The following CDH18 variants were observed in gnomAD, a reference collection of about 807,000 sequenced individuals.
CDH18 encodes cadherin-18.
Under a neutral mutation model 67.9 loss-of-function variants are expected in CDH18, and 31 were observed. That is an observed-to-expected ratio of 0.46 (90% CI 0.34 to 0.62). CDH18 has a LOEUF of 0.62. CDH18 is among the 20% of genes least tolerant of loss of function. The pLI is 0.01. For synonymous variants in CDH18, 362 were observed against 347.2 expected (o/e 1.04, Z -0.48); for missense variants, 890 against 975.5 (o/e 0.91, Z 1.17).
chr5:20,279,428 G>A (rs527565894), intron 1 of CDH18, among the ~76,000 whole-genome samples: 106 of 152,040 alleles, frequency 7.0e-4, no homozygotes, highest in Middle Eastern at 3.4e-3. Context: ...GCTGGGCACC[G>A]TGGCTCATGC....
At chr5:20,482,098 A>G (rs1401968660) in intron 1 of CDH18, among the ~76,000 whole-genome samples, 1 of 152,058 alleles carries the variant, frequency 6.6e-6, no homozygotes, top group South Asian at 2.1e-4. Context: ...TAGATGGAAA[A>G]GGAGACATTA....
chr5:19,624,752 G>A lies in CDH18; in HGVS notation c.644-12151C>T, dbSNP rs1014470611. On this transcript the variant is annotated intron_variant, in intron 5 of 12. Transcript: ENST00000382275. ...CCCTAAAGGAAGCTCAGGACCACAC[G>A]TCTCTATGTCTACCAGACAGCAAAC... 2.0e-5 allele frequency among the ~76,000 whole-genome samples: 3 copies of A among 152,124 alleles called. No homozygotes were observed. The East Asian group carries it at 5.8e-4, about 29-fold the overall frequency.
chr5:20,471,941 C>CTCTTCACTT (rs1752118844), intron 1 of CDH18, among the ~76,000 whole-genome samples: 2 of 154 alleles, frequency 0.013, no homozygotes, highest in Non-Finnish European at 0.016. Flanking sequence ...AGGCAATACT[C>CTCTTCACTT]CTGGGTGTCT....
At chr5:19,597,268 G>T (rs990748301) in intron 6 of CDH18, among the ~76,000 whole-genome samples, 1 of 152,158 alleles carries the variant, frequency 6.6e-6, no homozygotes, top group Non-Finnish European at 1.5e-5. Flanking sequence ...TTCTACACTG[G>T]AATCTCATAA....
chr5:19,777,445 A>G (rs939625013), intron 3 of CDH18, among the ~76,000 whole-genome samples: 3 of 152,224 alleles, frequency 2.0e-5, no homozygotes, highest in Non-Finnish European at 4.4e-5. Context: ...CATAGAGCTC[A>G]GATGGATTGT....
chr5:20,247,861 ATAAT>A (rs1743506721), intron 2 of CDH18, among the ~76,000 whole-genome samples: 1 of 152,164 alleles, frequency 6.6e-6, no homozygotes, highest in Non-Finnish European at 1.5e-5. Flanking sequence ...TAGTAGCTAA[ATAAT>A]TAGTAGTAGA....
chr5:19,722,411 T>C (rs1766227283), intron 4 of CDH18, among the ~76,000 whole-genome samples: 1 of 151,578 alleles, frequency 6.6e-6, no homozygotes, highest in Non-Finnish European at 1.5e-5. Flanking sequence ...AGTGCCAACA[T>C]CGCACTGGAT....
chr5:19,844,846 T>C (rs1003881352), intron 2 of CDH18, among the ~76,000 whole-genome samples: 1 of 152,168 alleles, frequency 6.6e-6, no homozygotes, highest in Non-Finnish European at 1.5e-5. Context: ...CTAAATTCCA[T>C]TGTTTCCTAC....
At chr5:19,639,642 T>C (rs1275778445) in intron 5 of CDH18, among the ~76,000 whole-genome samples, 2 of 152,160 alleles carry the variant, frequency 1.3e-5, no homozygotes, top group African/African-American at 4.8e-5. Flanking sequence ...GTGCCACTTC[T>C]TCAGAGAGCA....
At chr5:20,209,387 TG>T (rs1352428926) in intron 2 of CDH18, among the ~76,000 whole-genome samples, 2 of 151,448 alleles carry the variant, frequency 1.3e-5, no homozygotes, top group Non-Finnish European at 2.9e-5. Flanking sequence ...AAAGAAAATA[TG>T]GTTTTATACA....
chr5:19,968,260 T>C (rs186007914), intron 2 of CDH18, among the ~76,000 whole-genome samples: 4,441 of 151,568 alleles, frequency 0.029, 242 homozygotes, highest in East Asian at 0.22. Flanking sequence ...AAAATGGCCA[T>C]ACTGCCCAAG....
At chr5:19,664,316 A>G (rs1185452104) in intron 5 of CDH18, among the ~76,000 whole-genome samples, 1 of 151,928 alleles carries the variant, frequency 6.6e-6, no homozygotes, top group Non-Finnish European at 1.5e-5. Flanking sequence ...ATAAATTTCT[A>G]GCAAAATTTA....
At chr5:19,724,414 T>C (rs1470197907) in intron 4 of CDH18, among the ~76,000 whole-genome samples, 2 of 152,138 alleles carry the variant, frequency 1.3e-5, no homozygotes, top group African/African-American at 4.8e-5. Context: ...GATCCTTATA[T>C]ATTGGAGCTG....
At chr5:20,199,687 G>C (rs73052746) in intron 2 of CDH18, among the ~76,000 whole-genome samples, 12,468 of 152,068 alleles carry the variant, frequency 0.082, 803 homozygotes, top group African/African-American at 0.17. Context: ...AAAATGATGT[G>C]GTTTGGCTGT....
intron 2 of CDH18, among the ~76,000 whole-genome samples, chr5:19,970,666 C>T (rs963333929): frequency 2.6e-5 from 4 of 151,502 alleles, no homozygotes; most frequent in Admixed American, 2.0e-4. Context: ...GCTAAGTTCA[C>T]GAGACTCATG....
intron 5 of CDH18, among the ~76,000 whole-genome samples, chr5:19,668,854 T>C (rs559197329): frequency 1.4e-4 from 22 of 152,122 alleles, no homozygotes; most frequent in Admixed American, 1.1e-3. Context: ...ACAAGTACTT[T>C]ATCCATATAA....
At chr5:19,709,190 C>T (rs183239693) in intron 5 of CDH18, among the ~76,000 whole-genome samples, 220 of 152,086 alleles carry the variant, frequency 1.4e-3, no homozygotes, top group Middle Eastern at 3.4e-3. Flanking sequence ...GCACTTACTT[C>T]GGAAATATGT....
chr5:19,568,303 C>A (rs1418562479), intron 8 of CDH18, among the ~76,000 whole-genome samples: 1 of 152,116 alleles, frequency 6.6e-6, no homozygotes, highest in Non-Finnish European at 1.5e-5. Context: ...GAGGTACAAA[C>A]TTCTGGAGGT....
intron 5 of CDH18, among the ~76,000 whole-genome samples, chr5:19,705,711 T>A (rs1372506805): frequency 6.6e-6 from 1 of 152,158 alleles, no homozygotes; most frequent in Non-Finnish European, 1.5e-5. Context: ...ATCACTACTG[T>A]GATAGGAAAT....
Sources: gnomAD v4.1 joint callset for allele counts (sites outside exome capture counted in the v4.1 genomes callset) on GRCh38, gnomAD v4.1.1 for gene constraint, MANE v1.5 for transcripts, NCBI Gene and HGNC (gene_info 2026-07-23, HGNC 2026-07-21) for gene names.